The following ARHGAP24 variants were observed in gnomAD, a reference collection of about 807,000 sequenced individuals.
ARHGAP24 encodes Rho GTPase activating protein 24.
A neutral mutation model predicts 76.4 loss-of-function variants in ARHGAP24; 50 were observed. The observed-to-expected ratio is 0.65, with a 90% confidence interval of 0.52 to 0.83. ARHGAP24 has a LOEUF of 0.83. Ranked by LOEUF, ARHGAP24 falls within the 40% of genes least tolerant of loss-of-function variation. The pLI is 0.00. For missense variants in ARHGAP24, 930 were observed against 914.2 expected, an observed-to-expected ratio of 1.02 and a Z score of -0.22; for synonymous variants, 345 against 323.3, an observed-to-expected ratio of 1.07 and a Z score of -0.72.
At chr4:85,550,871 A>G (rs1726106664) in intron 1 of ARHGAP24, among the ~76,000 whole-genome samples, 1 of 151,834 alleles carries the variant, frequency 6.6e-6, no homozygotes, top group Non-Finnish European at 1.5e-5. Context: ...TAGGAATGCT[A>G]CTGAATTTTG....
intron 3 of ARHGAP24, among the ~76,000 whole-genome samples, chr4:85,880,776 G>A (rs1436208819): frequency 2.0e-5 from 3 of 152,098 alleles, no homozygotes; most frequent in Non-Finnish European, 4.4e-5. Context: ...TGATCCGCCC[G>A]CCTCGGCCTC....
chr4:85,862,916 C>T (rs1015176830), intron 3 of ARHGAP24, among the ~76,000 whole-genome samples: 1 of 152,266 alleles, frequency 6.6e-6, no homozygotes, highest in South Asian at 2.1e-4. Context: ...CTTGGAGTAT[C>T]GCAACAGTCT....
At chr4:85,933,371 G>A (rs1375605668) in intron 4 of ARHGAP24, among the ~76,000 whole-genome samples, 2 of 152,156 alleles carry the variant, frequency 1.3e-5, no homozygotes, top group Admixed American at 6.5e-5. Flanking sequence ...ATAAAGTGTG[G>A]AGTTGAGTAA....
intron 2 of ARHGAP24, among the ~76,000 whole-genome samples, chr4:85,655,763 C>A: frequency 1.1e-5 from 1 of 95,214 alleles, no homozygotes; most frequent in Non-Finnish European, 1.8e-5. Flanking sequence ...CAGAGTGAGA[C>A]TCCATATATA....
rs1043298148 is a variant in ARHGAP24, at chr4:85,956,964, C to A, written c.599+14691C>A. 5.3e-5 allele frequency among the ~76,000 whole-genome samples: 8 copies of A among 152,186 alleles called. 1 individual carries two copies. The highest frequency in any genetic ancestry group is 1.9e-4 in the African/African-American group (8 of 41,456). On this transcript the variant is annotated intron_variant, in intron 5 of 9. Coordinates refer to ENST00000395184, the MANE Select transcript of ARHGAP24 (RefSeq NM_001025616.3). ...TGGCTCAAATGCCTGGGTTTATATC[C>A]CGATCATAGTCCCTCCCGCTGTGCT...
intron 3 of ARHGAP24, among the ~76,000 whole-genome samples, chr4:85,796,723 G>T (rs187452871): frequency 6.6e-6 from 1 of 151,984 alleles, no homozygotes; most frequent in Non-Finnish European, 1.5e-5. Context: ...TACTTCTGTC[G>T]GGGGGAATTG....
intron 3 of ARHGAP24, among the ~76,000 whole-genome samples, chr4:85,762,744 C>T: frequency 6.6e-6 from 1 of 152,094 alleles, no homozygotes; most frequent in Non-Finnish European, 1.5e-5. Flanking sequence ...ATGGCTGACC[C>T]AACAGGAAAT....
chr4:85,559,743 C>G (rs182771221), intron 1 of ARHGAP24, among the ~76,000 whole-genome samples: 45 of 152,124 alleles, frequency 3.0e-4, no homozygotes, highest in Non-Finnish European at 5.7e-4. Flanking sequence ...AAGAGACATC[C>G]AACTTCTTTT....
intron 4 of ARHGAP24, among the ~76,000 whole-genome samples, chr4:85,924,336 T>A (rs561098497): frequency 6.6e-6 from 1 of 151,958 alleles, no homozygotes; most frequent in Non-Finnish European, 1.5e-5. Flanking sequence ...AAAGGTGCTA[T>A]GCATAGAACT....
intron 4 of ARHGAP24, chr4:85,930,970 G>A (rs373242250): frequency 1.2e-6 from 2 of 1,613,676 alleles, no homozygotes; most frequent in East Asian, 2.2e-5. Flanking sequence ...CCCGGCTGGT[G>A]CCTTAGCCTC....
At chr4:85,512,355 T>A (rs756950569) in intron 1 of ARHGAP24, among the ~76,000 whole-genome samples, 2 of 152,214 alleles carry the variant, frequency 1.3e-5, no homozygotes, top group Admixed American at 1.3e-4. Context: ...GTTTAGTCAC[T>A]ATTATTTAGG....
intron 5 of ARHGAP24, among the ~76,000 whole-genome samples, chr4:85,962,841 A>C (rs1280291535): frequency 1.3e-5 from 2 of 151,700 alleles, no homozygotes; most frequent in Non-Finnish European, 2.9e-5. Context: ...GTGGGACCTC[A>C]AGGCTTTAGC....
chr4:85,628,811 G>T (rs1040786043), intron 2 of ARHGAP24, among the ~76,000 whole-genome samples: 1 of 152,062 alleles, frequency 6.6e-6, no homozygotes, highest in African/African-American at 2.4e-5. Flanking sequence ...AGACACTTCT[G>T]CTCTCTGGTA....
intron 5 of ARHGAP24, among the ~76,000 whole-genome samples, chr4:85,965,135 T>A (rs1028335502): frequency 2.6e-5 from 4 of 151,942 alleles, no homozygotes; most frequent in African/African-American, 9.7e-5. Flanking sequence ...AAGAAAGAGG[T>A]TTCATGGAGA....
intron 2 of ARHGAP24, chr4:85,570,962 G>C: frequency 2.4e-6 from 1 of 414,028 alleles, no homozygotes; most frequent in Non-Finnish European, 4.3e-6. Context: ...AGCCAGAGGA[G>C]AAGGTCTCAC....
At chr4:85,491,328 ATCTC>A (rs1723349689) in intron 1 of ARHGAP24, among the ~76,000 whole-genome samples, 1 of 152,206 alleles carries the variant, frequency 6.6e-6, no homozygotes, top group African/African-American at 2.4e-5. Flanking sequence ...CAATTTTGTT[ATCTC>A]TCATTTCCTC....
chr4:85,760,820 C>T (rs990065637), intron 3 of ARHGAP24, among the ~76,000 whole-genome samples: 6 of 152,144 alleles, frequency 3.9e-5, no homozygotes. Context: ...TTGACTTGCC[C>T]CACGTAGTTA....
intron 1 of ARHGAP24, among the ~76,000 whole-genome samples, chr4:85,495,277 G>C (rs573737110): frequency 5.3e-5 from 8 of 151,378 alleles, no homozygotes; most frequent in African/African-American, 1.5e-4. Context: ...AGAAGGAAGA[G>C]AGCGGCTAGT....
At chr4:85,737,552 T>C (rs1725649585) in intron 3 of ARHGAP24, among the ~76,000 whole-genome samples, 1 of 152,164 alleles carries the variant, frequency 6.6e-6, no homozygotes. Flanking sequence ...TGGCTGAAAA[T>C]ATGATCTCCA....
Sources: allele counts gnomAD v4.1 joint callset (sites outside exome capture counted in the v4.1 genomes callset), GRCh38; gene constraint gnomAD v4.1.1; transcripts MANE v1.5; gene names NCBI Gene and HGNC (gene_info 2026-07-23, HGNC 2026-07-21).